CIT: variants seen among roughly 807,000 people sequenced by gnomAD.
CIT encodes the protein citron Rho-interacting kinase.
In CIT, 79 loss-of-function variants were observed where a neutral mutation model predicts 272.7. That is an observed-to-expected ratio of 0.29 (90% confidence interval 0.24 to 0.35). CIT has a LOEUF of 0.35. Ranked by LOEUF, CIT falls within the 10% of genes least tolerant of loss-of-function variation. CIT has a pLI of 1.00. For synonymous variants in CIT, 948 were observed against 995.6 expected (o/e 0.95, Z 0.90); for missense variants, 1,909 against 2,618.3 (o/e 0.73, Z 5.91).
chr12:119,784,379 T>C lies in CIT; in HGVS notation c.1402-328A>G. On this transcript the variant is annotated intron_variant, in intron 11 of 47. Transcript: ENST00000392521. This position sits in a 1 kb window ranked among gnomAD's most constrained non-coding sequence, Gnocchi z 4.7. Reference sequence around the variant, plus strand: ...TTGTTTTTGCAGACGTCACTTTAATTTTATCCCAAATCCATCTTGATCCCC... The same window carrying C: ...TTGTTTTTGCAGACGTCACTTTAATCTTATCCCAAATCCATCTTGATCCCC... 4 of 1,256,924 alleles carry C rather than the reference T, an allele frequency of 3.2e-6. No homozygotes were observed. The highest frequency in any genetic ancestry group is 4.1e-6 in the Non-Finnish European group (4 of 981,328). 77.9% of individuals were successfully genotyped at this position (1,256,924 alleles called of 1,614,324 possible).
At chr12:119,731,076 G>A (rs1484515331) in intron 26 of CIT, among the ~76,000 whole-genome samples, 1 of 151,472 alleles carries the variant, frequency 6.6e-6, no homozygotes, top group Non-Finnish European at 1.5e-5. Context: ...GCAGTGAGCC[G>A]AGATCACACC....
At chr12:119,705,754 AGAGT>A (rs1336345148) in intron 40 of CIT, among the ~76,000 whole-genome samples, 2 of 134,188 alleles carry the variant, frequency 1.5e-5, no homozygotes, top group African/African-American at 5.5e-5. Context: ...CCTGGGTGAC[AGAGT>A]GAGACTCTGT....
At chr12:119,716,119 T>C (rs535308177) in intron 32 of CIT, among the ~76,000 whole-genome samples, 73 of 152,138 alleles carry the variant, frequency 4.8e-4, no homozygotes, top group Middle Eastern at 3.4e-3. Context: ...GGCTCAAACC[T>C]GTAATGCCAG....
intron 4 of CIT, among the ~76,000 whole-genome samples, chr12:119,856,540 A>AAC (rs899627684): frequency 2.6e-5 from 4 of 151,526 alleles, no homozygotes; most frequent in Admixed American, 1.3e-4. Flanking sequence ...TGAACCACTG[A>AAC]ACACACACAC....
At chr12:119,854,873 C>A (rs765711255) in intron 4 of CIT, among the ~76,000 whole-genome samples, 1 of 152,114 alleles carries the variant, frequency 6.6e-6, no homozygotes. Flanking sequence ...ATCGCTTGAA[C>A]CTGGGAGGCG....
intron 44 of CIT, among the ~76,000 whole-genome samples, chr12:119,699,495 A>T (rs1035792738): frequency 2.0e-5 from 3 of 152,290 alleles, no homozygotes; most frequent in Non-Finnish European, 4.4e-5. Context: ...GCCCCGGTGC[A>T]GTTCCCTGGC....
At chr12:119,693,503 A>G (rs879323346) in intron 46 of CIT, among the ~76,000 whole-genome samples, 10 of 152,236 alleles carry the variant, frequency 6.6e-5, no homozygotes, top group Non-Finnish European at 1.2e-4. Flanking sequence ...GAGACTATAT[A>G]ATCTCAAAAG....
intron 28 of CIT, among the ~76,000 whole-genome samples, chr12:119,723,649 C>T (rs1018670056): frequency 6.6e-6 from 1 of 152,102 alleles, no homozygotes; most frequent in African/African-American, 2.4e-5. Flanking sequence ...AAACAACCCC[C>T]GTGGGCTGGA....
chr12:119,722,150 A>G (rs1409536516), intron 28 of CIT, among the ~76,000 whole-genome samples: 1 of 152,238 alleles, frequency 6.6e-6, no homozygotes. Flanking sequence ...ACCAGAAAAT[A>G]GGACAGGCTA....
intron 8 of CIT, among the ~76,000 whole-genome samples, chr12:119,824,236 A>G (rs905499980): frequency 1.3e-5 from 2 of 151,676 alleles, no homozygotes; most frequent in African/African-American, 2.4e-5. Context: ...AAGAAGGAGT[A>G]TATCGAAAAA....
At chr12:119,699,875 C>A in intron 44 of CIT, 1 of 456,058 alleles carries the variant, frequency 2.2e-6, no homozygotes, top group Non-Finnish European at 4.4e-6. Context: ...TGGGCCACGA[C>A]GGCATTTCAG....
At position 119,694,005 on chromosome 12, in the gene CIT, C is replaced by T. The variant is rs1396272653; in HGVS notation, c.5883-3551G>A. 2.0e-5 allele frequency among the ~76,000 whole-genome samples: 3 copies of T among 152,184 alleles called. No individual in the cohort carries two copies. The highest frequency in any genetic ancestry group is 4.4e-5 in the Non-Finnish European group (3 of 68,032). ...ACCTTATAATAATCCAGAAGATTAT[C>T]TTAGGTCATTTATTCCCGGGGTTAA... On this transcript the variant is annotated intron_variant, in intron 46 of 47. Transcript: ENST00000392521. The surrounding 1 kb of genome is among the most constrained non-coding windows in gnomAD (Gnocchi z 4.5).
intron 9 of CIT, among the ~76,000 whole-genome samples, chr12:119,809,676 G>A (rs1221203835): frequency 6.6e-6 from 1 of 152,146 alleles, no homozygotes; most frequent in Non-Finnish European, 1.5e-5. Context: ...CCTCTGCCTT[G>A]TCTGATTGTA....
intron 19 of CIT, among the ~76,000 whole-genome samples, chr12:119,764,352 A>G (rs1305429648): frequency 6.6e-6 from 1 of 152,256 alleles, no homozygotes; most frequent in Non-Finnish European, 1.5e-5. Flanking sequence ...ATGAATGCAC[A>G]GAACAGAAGA....
intron 40 of CIT, among the ~76,000 whole-genome samples, chr12:119,706,265 C>G (rs1015953126): frequency 2.0e-5 from 3 of 152,044 alleles, no homozygotes; most frequent in African/African-American, 7.2e-5. Flanking sequence ...TATATATACC[C>G]GCAAACACTC....
chr12:119,864,125 G>GA (rs796080884), intron 3 of CIT, among the ~76,000 whole-genome samples: 128 of 137,770 alleles, frequency 9.3e-4, no homozygotes, highest in Admixed American at 1.7e-3. Flanking sequence ...TTTGCAATAA[G>GA]AAAAAAAAAA....
chr12:119,872,526 A>T (rs541768289), intron 2 of CIT, among the ~76,000 whole-genome samples: 4 of 152,254 alleles, frequency 2.6e-5, no homozygotes, highest in Non-Finnish European at 5.9e-5. Context: ...TACTTGCAAT[A>T]ATAGCTTTAC....
At position 119,770,746 on chromosome 12, in the gene CIT, C is replaced by G; in HGVS notation, c.2208+39G>C. 2.5e-6 allele frequency: 4 copies of G among 1,612,040 alleles called. No homozygotes were observed. The highest frequency in any genetic ancestry group is 1.1e-5 in the South Asian group (1 of 90,980). On this transcript the variant is annotated intron_variant, in intron 18 of 47. Transcript: ENST00000392521. This position sits in a 1 kb window ranked among gnomAD's most constrained non-coding sequence, Gnocchi z 4.4. Reference sequence around the variant, plus strand: ...CCCCCTTCCCTTTGCAAACTCTAACCTGTTATCTTTTAACTTTGCGACTTT... The same window carrying G: ...CCCCCTTCCCTTTGCAAACTCTAACGTGTTATCTTTTAACTTTGCGACTTT...
At chr12:119,792,416 C>T (rs1268568408) in intron 10 of CIT, among the ~76,000 whole-genome samples, 1 of 152,120 alleles carries the variant, frequency 6.6e-6, no homozygotes, top group African/African-American at 2.4e-5. Flanking sequence ...ATCAGCATTC[C>T]GTTTCCAAAA....
Sources: allele counts gnomAD v4.1 joint callset (sites outside exome capture counted in the v4.1 genomes callset), GRCh38; gene constraint gnomAD v4.1.1; non-coding constraint Gnocchi (gnomAD v3.1); transcripts MANE v1.5; gene names NCBI Gene and HGNC (gene_info 2026-07-23, HGNC 2026-07-21).